PKD1: variants seen among roughly 807,000 people sequenced by gnomAD.
The protein encoded by PKD1 is polycystin 1, transient receptor potential channel interacting.
Under a neutral mutation model 361.7 loss-of-function variants are expected in PKD1, and 81 were observed. The observed-to-expected ratio is 0.22, with a 90% CI of 0.19 to 0.27. The LOEUF is 0.27. Ranked by LOEUF, PKD1 falls within the 10% of genes least tolerant of loss-of-function variation. PKD1 has a pLI of 1.00. For missense variants in PKD1, 6,399 were observed against 6,118.3 expected, an observed-to-expected ratio of 1.05 and a Z score of -1.53; for synonymous variants, 3,615 against 2,818.3, an observed-to-expected ratio of 1.28 and a Z score of -8.95.
At position 2,089,782 on chromosome 16, in the gene PKD1, C is replaced by T; in HGVS notation, c.12857G>A (p.Gly4286Asp). 3 of 1,597,534 alleles carry T rather than the reference C, an allele frequency of 1.9e-6. No homozygotes were observed. Among genetic ancestry groups the T allele is most frequent in the Non-Finnish European group, 1.7e-6 (2 of 1,173,284 alleles). Residue 4286 changes from glycine to aspartate, a missense_variant, in exon 46 of 46, where the codon GGC (glycine) becomes GAC (aspartate). Coordinates refer to ENST00000262304, the MANE Select transcript of PKD1 (RefSeq NM_001009944.3). ...GGCCCGAAGGGGTGTCCTGCTGGGG[C>T]CAGTGGCCAGGTCCACACCCCGACT... Reference protein sequence around the residue: ...RASRGVDLATGPSRTPLRAKN... With the variant: ...RASRGVDLATDPSRTPLRAKN...
chr16:2,101,507 C>T lies in PKD1; in HGVS notation c.9397+554G>A, dbSNP rs550314984. Among the ~76,000 whole-genome samples the T allele has an allele frequency of 9.9e-5, 15 of 152,238 alleles. No individual in the cohort carries two copies. The East Asian group carries it at 2.9e-3, about 29-fold the overall frequency. On this transcript the variant is annotated intron_variant, in intron 26 of 45. Transcript: ENST00000262304. ...TGGTGTGCACCTGTACTCCCAGCTA[C>T]TCAGGAGAATCGCTTAAGGGGAATG... is the stretch of plus-strand genomic sequence containing the variant.
At chr16:2,120,429 AAAG>A (rs1395818814) in intron 1 of PKD1, among the ~76,000 whole-genome samples, 1 of 152,224 alleles carries the variant, frequency 6.6e-6, no homozygotes, top group East Asian at 1.9e-4. Context: ...TTCCAGTTAA[AAAG>A]AAGAAAAGGA....
rs781528372 is a variant in PKD1, at chr16:2,110,558, C to T, written c.4609G>A (p.Glu1537Lys). The T allele has an allele frequency of 4.3e-6, 7 of 1,611,178 alleles. No individual in the cohort carries two copies. Among genetic ancestry groups the T allele is most frequent in the South Asian group, 3.3e-5 (3 of 91,032 alleles). ...VAGWNEVSRSEAWLNVTVKRR... is the reference protein window; with the variant it reads ...VAGWNEVSRSKAWLNVTVKRR... ...TTCACCGTCACATTGAGCCAGGCCT[C>T]GCTGCGGCTCACCTCATTCCAGCCG... The change falls in exon 15 of 46, where the codon GAG becomes AAG. Residue 1537 changes from glutamate to lysine, a missense_variant. Physicochemically the swap from Glu to Lys is moderately conservative, Grantham distance 56. Coordinates refer to ENST00000262304, the MANE Select transcript of PKD1 (RefSeq NM_001009944.3).
intron 16 of PKD1, 82 bp downstream of exon 16, chr16:2,107,801 A>G (rs886072163): frequency 5.3e-6 from 7 of 1,327,824 alleles, no homozygotes; most frequent in African/African-American, 2.9e-5. Context: ...GGCCTCCACC[A>G]GCACTAAAAC....
In PKD1 at chr16:2,090,338, C is replaced by A. The variant is rs764447736; in HGVS notation, c.12391G>T (p.Glu4131Ter). The A allele has an allele frequency of 6.8e-6, 11 of 1,612,288 alleles. No individual in the cohort carries two copies. The highest frequency in any genetic ancestry group is 6.7e-5 in the East Asian group (3 of 44,876). The change falls in exon 45 of 46, where the codon GAG (glutamate) becomes TAG (stop). Residue 4131 changes from glutamate to a stop codon, truncating the protein, a stop_gained. Coordinates refer to ENST00000262304, the MANE Select transcript of PKD1 (RefSeq NM_001009944.3). LOFTEE classifies it high-confidence loss of function. ...AWEPQDYEMVELFLRRLRLWM... is the reference protein window; with the variant it reads ...AWEPQDYEMV ...AGGCGCAGCCTGCGCAGGAACAACT[C>A]CACCATCTCGTAGTCCTGGGGCTCC...
rs989522392 is a variant in PKD1, at chr16:2,114,057, C to G, written c.2853+113G>C. 9.7e-6 allele frequency: 9 copies of G among 931,132 alleles called. No individual in the cohort carries two copies. In the African/African-American group the frequency reaches 1.3e-4, roughly 13 times the overall value. 57.7% of individuals were successfully genotyped at this position (931,132 alleles called of 1,614,324 possible). ...GCAGGACCTGCCCGGGGCCGACGTCCCCAGTAACTGGGCTGCTGCCCTCAC... is the reference window on the plus strand; with the variant it reads ...GCAGGACCTGCCCGGGGCCGACGTCGCCAGTAACTGGGCTGCTGCCCTCAC... On this transcript the variant is annotated intron_variant, in intron 11 of 45. Coordinates refer to ENST00000262304, the MANE Select transcript of PKD1 (RefSeq NM_001009944.3).
Position 2,110,594 on chromosome 16 carries a change from C to T in PKD1, c.4573G>A (p.Val1525Ile), listed in dbSNP as rs372046156. The change falls in exon 15 of 46, where the codon GTT (valine) becomes ATT (isoleucine). Residue 1525 changes from valine (V) to isoleucine (I), a missense_variant. Transcript: ENST00000262304. ...HAYNSTGDFT[V>I]RVAGWNEVSR... is the part of the protein sequence containing the mutation. ...ACCTCATTCCAGCCGGCCACCCTAA[C>T]GGTGAAGTCACCTGTGCTGTTGTAA... 28 of 1,610,736 alleles carry T rather than the reference C, an allele frequency of 1.7e-5. No individual in the cohort carries two copies. Among genetic ancestry groups the T allele is most frequent in the Admixed American group, 1.0e-4 (6 of 59,982 alleles).
chr16:2,095,954 C>T (rs993722443), intron 34 of PKD1, among the ~76,000 whole-genome samples: 1 of 152,172 alleles, frequency 6.6e-6, no homozygotes, highest in African/African-American at 2.4e-5. Context: ...ATAAAGATGC[C>T]CTCATGTGAT....
At position 2,100,348 on chromosome 16, in the gene PKD1, C is replaced by G; in HGVS notation, c.9569-39G>C. The G allele has an allele frequency of 6.2e-7, 1 of 1,610,644 alleles. No homozygotes were observed. The highest frequency in any genetic ancestry group is 8.5e-7 in the Non-Finnish European group (1 of 1,179,432). On this transcript the variant is annotated intron_variant, in intron 27 of 45. Transcript: ENST00000262304. The surrounding 1 kb of genome is among the most constrained non-coding windows in gnomAD (Gnocchi z 4.4). Reference sequence around the variant, plus strand: ...GGAGGGAGGTCAGGCTCGCAGGGCGCCCCAATGCGGGGGCAGAGGGGCAGA... The same window carrying G: ...GGAGGGAGGTCAGGCTCGCAGGGCGGCCCAATGCGGGGGCAGAGGGGCAGA...
rs2091342161 is a variant in PKD1, at chr16:2,089,404, G to A, written c.*323C>T. On this transcript the variant is annotated 3_prime_UTR_variant, in exon 46 of 46. Coordinates refer to ENST00000262304, the MANE Select transcript of PKD1 (RefSeq NM_001009944.3). ...CCTGAAGCCAGCAGCCTTAGCAGTGGGGGACATCTGCCCAGGGGGTGGGGC... is the reference window on the plus strand; with the variant it reads ...CCTGAAGCCAGCAGCCTTAGCAGTGAGGGACATCTGCCCAGGGGGTGGGGC... 2.2e-6 allele frequency: 1 copy of A among 447,896 alleles called. No individual in the cohort carries two copies. The highest frequency in any genetic ancestry group is 4.1e-6 in the Non-Finnish European group (1 of 245,816). The allele number at this position is 447,896 out of a possible 1,614,324, so 27.7% of individuals were successfully genotyped here.
chr16:2,106,411 G>A lies in PKD1; in HGVS notation c.7476C>T (p.His2492=), dbSNP rs763615650. 2.4e-4 allele frequency: 384 copies of A among 1,588,772 alleles called. No individual in the cohort carries two copies. The highest frequency in any genetic ancestry group is 6.8e-4 in the Middle Eastern group (3 of 4,426). Residue 2492 remains histidine, a synonymous_variant, in exon 18 of 46, where the codon CAC becomes CAT. Coordinates refer to ENST00000262304, the MANE Select transcript of PKD1 (RefSeq NM_001009944.3). This position sits in a 1 kb window ranked among gnomAD's most constrained non-coding sequence, Gnocchi z 6.5. ...GCCTGCACTCACCCGTGCATTCGAA[G>A]TGCACCTTGGTGGTGAGGGCGTGCA... ...GAVHALTTKV[H]FECTGWHDAE... is the part of the protein sequence containing the mutation.
In PKD1 at chr16:2,110,253, C is replaced by T. The variant is rs143524023; in HGVS notation, c.4914G>A (p.Val1638=). 92 of 1,612,390 alleles carry T rather than the reference C, an allele frequency of 5.7e-5. No individual in the cohort carries two copies. In the African/African-American group the frequency reaches 9.3e-4, roughly 16 times the overall value. Residue 1638 remains valine, a synonymous_variant, in exon 15 of 46, where the codon GTG becomes GTA. Coordinates refer to ENST00000262304, the MANE Select transcript of PKD1 (RefSeq NM_001009944.3). ...VLQLIEGLQV[V]GGGRYFPTNH... ...TGGTGGGGAAGTAGCGGCCACCGCC[C>T]ACCACCTGCAGCCCCTCTATGAGCT...
chr16:2,122,315 G>C (rs2092733911), intron 1 of PKD1, among the ~76,000 whole-genome samples: 1 of 152,196 alleles, frequency 6.6e-6, no homozygotes, highest in African/African-American at 2.4e-5. Flanking sequence ...AGGGGCTGTG[G>C]GACACTCAGA....
chr16:2,132,489 C>T (rs1347976604), intron 1 of PKD1, among the ~76,000 whole-genome samples: 1 of 148,686 alleles, frequency 6.7e-6, no homozygotes, highest in Non-Finnish European at 1.5e-5. Context: ...GCAGGAGAAT[C>T]GCTTGAACCA....
intron 37 of PKD1, 146 bp from the exon 38 acceptor site, chr16:2,093,239 G>A (rs1254365748): frequency 1.5e-5 from 14 of 955,710 alleles, no homozygotes; most frequent in African/African-American, 4.8e-5. Context: ...TACCTGGCCA[G>A]GGTAATGGCA....
Position 2,110,089 on chromosome 16 carries a change from T to C in PKD1, c.5078A>G (p.Tyr1693Cys), listed in dbSNP as rs1485467697. Reference sequence around the variant, plus strand: ...GTTGGTGGCCCGCAGCTGCACATGGTAGGTGCCGGCCTCGAGCACGGTGAG... The same window carrying C: ...GTTGGTGGCCCGCAGCTGCACATGGCAGGTGCCGGCCTCGAGCACGGTGAG... ...FSLTVLEAGT[Y>C]HVQLRATNML... Residue 1693 changes from tyrosine (Y) to cysteine (C), a missense_variant, in exon 15 of 46, where the codon TAC becomes TGC. Tyr to Cys is a radical substitution (Grantham distance 194, BLOSUM62 -2). Transcript: ENST00000262304. 7 of 1,609,880 alleles carry C rather than the reference T, an allele frequency of 4.3e-6. No homozygotes were observed. The highest frequency in any genetic ancestry group is 5.9e-6 in the Non-Finnish European group (7 of 1,179,446).
rs138871063 is a variant in PKD1 at position 2,105,895 on chromosome 16, G to A, written c.7833C>T (p.Tyr2611=). The A allele has an allele frequency of 3.2e-5, 51 of 1,596,436 alleles. No homozygotes were observed. In the African/African-American group the frequency reaches 5.9e-4, roughly 18 times the overall value. Residue 2611 remains tyrosine (Y), a synonymous_variant, in exon 20 of 46, where the codon TAC becomes TAT. Coordinates refer to ENST00000262304, the MANE Select transcript of PKD1 (RefSeq NM_001009944.3). ...RQADPQHVIE[Y]SLALVTVLNE... Reference sequence around the variant, plus strand: ...TCAGCACGGTGACCAGGGCCAACGAGTACTCGATGACGTGCTGGGGATCGG... The same window carrying A: ...TCAGCACGGTGACCAGGGCCAACGAATACTCGATGACGTGCTGGGGATCGG...
Position 2,090,504 on chromosome 16 carries a change from ACACAGGGTAGAGAGCCCAGTCCCAGGG to A in PKD1, c.12198_12224del (p.Gly4068_Pro4076del). ...GTGACAGGTGCCAGGACTCGGCAGG[ACACAGGGTAGAGAGCCCAGTCCCAGGG>A]CACAGCACCAACAGGGCCTGGGCCA... On this transcript the variant is annotated inframe_deletion, in exon 45 of 46. Transcript: ENST00000262304. The A allele has an allele frequency of 6.2e-7, 1 of 1,611,554 alleles. No individual in the cohort carries two copies.
Position 2,089,875 on chromosome 16 carries a change from G to T in PKD1, c.12764C>A (p.Pro4255His). 6.2e-7 allele frequency: 1 copy of T among 1,609,940 alleles called. No individual in the cohort carries two copies. The highest frequency in any genetic ancestry group is 8.5e-7 in the Non-Finnish European group (1 of 1,178,952). Residue 4255 changes from proline (P) to histidine (H), a missense_variant, in exon 46 of 46, where the codon CCC becomes CAC. Physicochemically the swap from Pro to His is moderately conservative, Grantham distance 77. Transcript: ENST00000262304. ...SLQGRRSSRA[P>H]AGSSRGPSPG... ...GGATGGGCCACGGGAAGATCCGGCG[G>T]GCGCCCGGCTGCTCCTGCGGCCTTG...
Sources: allele counts gnomAD v4.1 joint callset (sites outside exome capture counted in the v4.1 genomes callset), GRCh38; gene constraint gnomAD v4.1.1; non-coding constraint Gnocchi (gnomAD v3.1); transcripts MANE v1.5; gene names NCBI Gene and HGNC (gene_info 2026-07-23, HGNC 2026-07-21).